Variants in SMOC2 observed in about 807,000 individuals in gnomAD.
The protein encoded by SMOC2 is SPARC related modular calcium binding 2, also known as SPARC-related modular calcium-binding protein 2.
In SMOC2, 39 loss-of-function variants were observed where a neutral mutation model predicts 61.4. The ratio of observed to expected loss-of-function variants is 0.64; its 90% CI spans 0.49 to 0.83. The LOEUF (loss-of-function observed/expected upper bound fraction) is 0.83, where lower values mean the gene tolerates loss of function less well. Among genes scored for constraint, SMOC2 ranks in the 40% least tolerant of loss-of-function variants. SMOC2 has a pLI of 0.00. For synonymous variants in SMOC2, 247 were observed against 239.9 expected (o/e 1.03, Z -0.27); for missense variants, 556 against 592.9 (o/e 0.94, Z 0.65).
At chr6:168,621,080 C>T (rs1029425470) in intron 9 of SMOC2, among the ~76,000 whole-genome samples, 3 of 149,804 alleles carry the variant, frequency 2.0e-5, no homozygotes, top group Admixed American at 6.6e-5. Flanking sequence ...TCTTAGTTCT[C>T]TTCTAACTTG....
intron 7 of SMOC2, among the ~76,000 whole-genome samples, chr6:168,577,657 C>T (rs1784837535): frequency 1.3e-5 from 2 of 152,346 alleles, no homozygotes; most frequent in South Asian, 4.1e-4. Context: ...CGCAGCATCT[C>T]CCAGCAGTGA....
At chr6:168,607,610 A>G (rs1231237149) in intron 8 of SMOC2, among the ~76,000 whole-genome samples, 1 of 145,238 alleles carries the variant, frequency 6.9e-6, no homozygotes, top group Non-Finnish European at 1.5e-5. Context: ...ACACTGAGGC[A>G]GACTTTCGTA....
rs1161858091 is a variant in SMOC2, at chr6:168,453,420, A to G, written c.84+11966A>G. ...ATTTCCCTGGCAAAGCCAAGTGGAG[A>G]GTTAGAGGCTAGGCTCTCTCTTTCT... is the stretch of plus-strand genomic sequence containing the variant. On this transcript the variant is annotated intron_variant, in intron 1 of 12. Coordinates refer to ENST00000356284, the MANE Select transcript of SMOC2 (RefSeq NM_001166412.2). This position sits in a 1 kb window ranked among gnomAD's most constrained non-coding sequence, Gnocchi z 4.4. Among the ~76,000 whole-genome samples the G allele has an allele frequency of 6.6e-6, 1 of 152,138 alleles. No individual in the cohort carries two copies. Among genetic ancestry groups the G allele is most frequent in the Non-Finnish European group, 1.5e-5 (1 of 68,010 alleles).
chr6:168,483,276 A>G (rs138216125), intron 1 of SMOC2, among the ~76,000 whole-genome samples: 6 of 152,186 alleles, frequency 3.9e-5, no homozygotes, highest in Middle Eastern at 3.4e-3. Context: ...ACAAAAATCA[A>G]TTGCACTTCT....
At chr6:168,500,192 C>G (rs777746940) in intron 1 of SMOC2, among the ~76,000 whole-genome samples, 4 of 146,792 alleles carry the variant, frequency 2.7e-5, no homozygotes, top group Non-Finnish European at 4.4e-5. Flanking sequence ...GAGGCTGAGA[C>G]AGGAGAATCA....
intron 2 of SMOC2, among the ~76,000 whole-genome samples, chr6:168,524,066 T>TA (rs1443533281): frequency 6.6e-5 from 10 of 152,150 alleles, no homozygotes; most frequent in African/African-American, 2.4e-4. Context: ...TATAATGGCT[T>TA]AGAGTGATAT....
intron 1 of SMOC2, among the ~76,000 whole-genome samples, chr6:168,448,513 G>A (rs1476733232): frequency 2.0e-5 from 3 of 150,768 alleles, no homozygotes; most frequent in Middle Eastern, 3.2e-3. Flanking sequence ...TGGTGAGGAT[G>A]GTGATGGGGA....
chr6:168,630,899 G>C (rs1786549716), intron 9 of SMOC2, among the ~76,000 whole-genome samples: 1 of 152,172 alleles, frequency 6.6e-6, no homozygotes, highest in African/African-American at 2.4e-5. Flanking sequence ...ATTTTGATCA[G>C]ACGGTCTGCT....
At chr6:168,549,079 G>T in intron 6 of SMOC2, 50 bp from the exon 7 acceptor site, 1 of 1,480,822 alleles carries the variant, frequency 6.8e-7, no homozygotes, top group Non-Finnish European at 9.4e-7. Flanking sequence ...AAGGAACATT[G>T]TGCTTTCGTG....
At position 168,445,786 on chromosome 6, in the gene SMOC2, G is replaced by A. The variant is rs531606227; in HGVS notation, c.84+4332G>A. ...CAACTTAGAAGCCCATTTACATGGCGTCTAAAAACCCAAACATCTGGAAGA... is the reference window on the plus strand; with the variant it reads ...CAACTTAGAAGCCCATTTACATGGCATCTAAAAACCCAAACATCTGGAAGA... On this transcript the variant is annotated intron_variant, in intron 1 of 12. Coordinates refer to ENST00000356284, the MANE Select transcript of SMOC2 (RefSeq NM_001166412.2). 4.7e-4 allele frequency among the ~76,000 whole-genome samples: 72 copies of A among 152,268 alleles called. No individual in the cohort carries two copies. In the South Asian group the frequency reaches 6.6e-3, roughly 14 times the overall value.
At chr6:168,512,618 A>G (rs1259387203) in intron 2 of SMOC2, among the ~76,000 whole-genome samples, 2 of 152,218 alleles carry the variant, frequency 1.3e-5, no homozygotes, top group Admixed American at 1.3e-4. Context: ...AGATGCTGAC[A>G]TGAACTTAGT....
chr6:168,619,471 A>G (rs145732150), intron 9 of SMOC2, among the ~76,000 whole-genome samples: 28 of 152,348 alleles, frequency 1.8e-4, no homozygotes, highest in African/African-American at 6.3e-4. Flanking sequence ...ATTCTATTGC[A>G]AATAATTCCT....
rs534693234 is a variant in SMOC2, at chr6:168,621,094, A to G, written c.907+12855A>G. Reference sequence around the variant, plus strand: ...TTCTTAGTTCTCTTCTAACTTGTCAAATTAAGGACAATCTTTCAGAAACGT... The same window carrying G: ...TTCTTAGTTCTCTTCTAACTTGTCAGATTAAGGACAATCTTTCAGAAACGT... On this transcript the variant is annotated intron_variant, in intron 9 of 12. Transcript: ENST00000356284. Among the ~76,000 whole-genome samples the G allele has an allele frequency of 3.9e-5, 6 of 152,276 alleles. No individual in the cohort carries two copies. In the South Asian group the frequency reaches 1.0e-3, roughly 26 times the overall value.
chr6:168,549,259 G>T, intron 7 of SMOC2, 56 bp downstream of exon 7: 1 of 1,547,718 alleles, frequency 6.5e-7, no homozygotes, highest in South Asian at 1.1e-5. Flanking sequence ...TCTAGAAAAT[G>T]ATGGGGTTTT....
At chr6:168,551,039 G>A (rs1784118394) in intron 7 of SMOC2, among the ~76,000 whole-genome samples, 2 of 152,226 alleles carry the variant, frequency 1.3e-5, no homozygotes, top group African/African-American at 4.8e-5. Flanking sequence ...AGACCAGGTG[G>A]AGATAATTGA....
At chr6:168,562,537 G>C (rs1039153848) in intron 7 of SMOC2, among the ~76,000 whole-genome samples, 5 of 152,186 alleles carry the variant, frequency 3.3e-5, no homozygotes, top group Non-Finnish European at 7.3e-5. Context: ...CCTCACTTTG[G>C]GGGTGAGGAG....
intron 9 of SMOC2, among the ~76,000 whole-genome samples, chr6:168,650,415 C>T (rs1787162663): frequency 6.6e-6 from 1 of 152,190 alleles, no homozygotes; most frequent in Non-Finnish European, 1.5e-5. Context: ...CTGCCCACCT[C>T]CGATTGCAGT....
intron 9 of SMOC2, among the ~76,000 whole-genome samples, chr6:168,638,516 G>A (rs977377029): frequency 2.0e-5 from 3 of 152,178 alleles, no homozygotes; most frequent in South Asian, 2.1e-4. Context: ...TGCTGGAAGC[G>A]GGGTCTGGAG....
intron 7 of SMOC2, among the ~76,000 whole-genome samples, chr6:168,575,010 G>A (rs1334630674): frequency 6.6e-6 from 1 of 152,202 alleles, no homozygotes; most frequent in Admixed American, 6.5e-5. Context: ...CTGCCAAGAA[G>A]TCTCTTTAGG....
Sources: gnomAD v4.1 joint callset for allele counts (sites outside exome capture counted in the v4.1 genomes callset) on GRCh38, gnomAD v4.1.1 for gene constraint, Gnocchi (gnomAD v3.1) non-coding constraint, MANE v1.5 for transcripts, NCBI Gene and HGNC (gene_info 2026-07-23, HGNC 2026-07-21) for gene names.